Variants in IKBKG observed in about 807,000 individuals in gnomAD.
The protein encoded by IKBKG is inhibitor of nuclear factor kappa B kinase regulatory subunit gamma.
In IKBKG, 2 loss-of-function variants were observed where a neutral mutation model predicts 13.7. The ratio of observed to expected loss-of-function variants is 0.15; its 90% CI spans 0.06 to 0.46. The LOEUF (loss-of-function observed/expected upper bound fraction) is 0.46. IKBKG is among the 20% of genes least tolerant of loss of function. IKBKG has a pLI of 0.98. For synonymous variants in IKBKG, 22 were observed against 64.4 expected (o/e 0.34, Z 3.15); for missense variants, 53 against 150.3 (o/e 0.35, Z 3.39).
At chrX:154,553,031 C>T (rs1294914985) in intron 2 of IKBKG, among the ~76,000 whole-genome samples, 1 of 112,689 alleles carries the variant, frequency 8.9e-6, no homozygotes, top group Non-Finnish European at 1.9e-5. Context: ...GCCTTCTAAG[C>T]CTCGGGTCCC....
intron 2 of IKBKG, among the ~76,000 whole-genome samples, chrX:154,555,564 G>C (rs1557235859): frequency 8.9e-6 from 1 of 112,425 alleles, no homozygotes; most frequent in African/African-American, 3.2e-5. Flanking sequence ...ATTCAAAAAA[G>C]TGGCATTTAA....
At chrX:154,550,025 G>T (rs1169248537) in intron 1 of IKBKG, among the ~76,000 whole-genome samples, 1 of 111,052 alleles carries the variant, frequency 9.0e-6, no homozygotes, top group African/African-American at 3.3e-5. Context: ...ATTTCTCTCC[G>T]GTATATACCT....
intron 1 of IKBKG, among the ~76,000 whole-genome samples, chrX:154,551,444 C>T (rs186566140): frequency 9.0e-6 from 1 of 111,343 alleles, no homozygotes; most frequent in Non-Finnish European, 1.9e-5. Context: ...TTGCGTCTCC[C>T]TCTGGCTTCT....
chrX:154,546,792 C>A (rs2070736278), upstream of IKBKG: 7 of 1,161,702 alleles, frequency 6.0e-6, no homozygotes, highest in African/African-American at 8.9e-5. Flanking sequence ...CGGTTACCTG[C>A]GCTTCGTCGT....
upstream of IKBKG, chrX:154,546,850 G>A: frequency 8.8e-7 from 1 of 1,130,789 alleles, no homozygotes. Context: ...CGTTTCCGGG[G>A]GCTGAGCCCC....
At chrX:154,549,242 A>C (rs1187101760) in intron 1 of IKBKG, among the ~76,000 whole-genome samples, 1 of 109,047 alleles carries the variant, frequency 9.2e-6, no homozygotes, top group Non-Finnish European at 1.9e-5. Context: ...CGGCCTCCCA[A>C]AGTGCTGGGA....
At chrX:154,541,419 G>A (rs2070502299) in intron 1 of IKBKG, 1 of 111,793 alleles carries the variant, frequency 8.9e-6, no homozygotes, top group Non-Finnish European at 1.9e-5. Context: ...GGTGGGGTAA[G>A]GCAGGCCGCT....
upstream of IKBKG, chrX:154,546,912 C>G: frequency 1.3e-6 from 1 of 786,557 alleles, no homozygotes; most frequent in Non-Finnish European, 1.7e-6. Flanking sequence ...GCTGAGCGGA[C>G]CCGCCTCAGG....
upstream of IKBKG, chrX:154,542,367 G>C (rs371427128): frequency 3.3e-6 from 4 of 1,207,426 alleles, no homozygotes; most frequent in Non-Finnish European, 3.4e-6. Flanking sequence ...AAGCTCTCCA[G>C]CATCATCGAG....
At chrX:154,546,931 G>T, upstream of IKBKG, 1 of 523,472 alleles carries the variant, frequency 1.9e-6, no homozygotes, top group Non-Finnish European at 2.6e-6. Flanking sequence ...GGCGAGGCGT[G>T]CGGGGCGGGG....
exon 1 of IKBKG, chrX:154,541,301 A>G (rs1342148029): frequency 9.0e-6 from 1 of 111,477 alleles, no homozygotes; most frequent in Non-Finnish European, 1.9e-5. Flanking sequence ...GGGATTAACT[A>G]GAGATTGAAC....
chrX:154,545,890 C>G, upstream of IKBKG: 5 of 715,523 alleles, frequency 7.0e-6, no homozygotes, highest in Admixed American at 1.2e-4. Flanking sequence ...CAGGTAGAGC[C>G]GGGATGATCC....
chrX:154,562,753 C>T, intron 6 of IKBKG, 57 bp from the exon 7 acceptor site: 1 of 260,522 alleles, frequency 3.8e-6, no homozygotes, highest in Non-Finnish European at 6.4e-6. Context: ...CAGTTCTTCT[C>T]AGCCAGCCTC....
At chrX:154,549,354 C>T (rs1220577664) in intron 1 of IKBKG, among the ~76,000 whole-genome samples, 1 of 111,313 alleles carries the variant, frequency 9.0e-6, no homozygotes, top group Non-Finnish European at 1.9e-5. Context: ...TCACCGCAAC[C>T]TCCATCTCCC....
chrX:154,546,159 G>T (rs781792803), upstream of IKBKG: 7 of 1,210,047 alleles, frequency 5.8e-6, no homozygotes, highest in Admixed American at 6.5e-5. Context: ...CTGCCATGAC[G>T]CTGTCTGGTG....
At chrX:154,547,561 C>A, upstream of IKBKG, 4 of 755,153 alleles carry the variant, frequency 5.3e-6, no homozygotes, top group Non-Finnish European at 6.3e-6. Context: ...TCGCCGGCTT[C>A]CCGAGTTCTC....
Position 154,547,892 on chromosome X carries a change from C to A in IKBKG, c.-16+147C>A, listed in dbSNP as rs5986992. The A allele has an allele frequency of 1.8e-3, 1,375 of 753,605 alleles. 13 individuals are homozygous for A. In the African/African-American group the frequency reaches 0.03, roughly 16 times the overall value. The allele number at this position is 753,605 out of a possible 1,213,427, so 62.1% of individuals were successfully genotyped here. A position where few individuals can be genotyped will look rare whatever the true frequency, so the allele number is the denominator to read the frequency against. ...TTCTGGAGCACTGGCCAAGGCGGGCCGATTCAGGACCCAGGTTACTTGGGC... is the reference window on the plus strand; with the variant it reads ...TTCTGGAGCACTGGCCAAGGCGGGCAGATTCAGGACCCAGGTTACTTGGGC... On this transcript the variant is annotated intron_variant, in intron 1 of 9. Coordinates refer to ENST00000594239, the MANE Select transcript of IKBKG (RefSeq NM_001099857.5).
At chrX:154,542,382 C>T, upstream of IKBKG, 1 of 1,208,148 alleles carries the variant, frequency 8.3e-7, no homozygotes, top group Admixed American at 2.2e-5. Flanking sequence ...ATCGAGGTCC[C>T]ATCAGGTGGG....
upstream of IKBKG, chrX:154,546,012 G>A: frequency 3.3e-6 from 4 of 1,209,107 alleles, no homozygotes; most frequent in Non-Finnish European, 4.5e-6. Flanking sequence ...TGGCTTTTAA[G>A]ATTGGGGCCT....
Sources: gnomAD v4.1 joint callset for allele counts (sites outside exome capture counted in the v4.1 genomes callset) on GRCh38, gnomAD v4.1.1 for gene constraint, MANE v1.5 for transcripts, NCBI Gene and HGNC (gene_info 2026-07-23, HGNC 2026-07-21) for gene names.